Variants in LRRFIP2 observed in about 807,000 individuals in gnomAD.
LRRFIP2 encodes leucine-rich repeat flightless-interacting protein 2.
A neutral mutation model predicts 125.9 loss-of-function variants in LRRFIP2; 109 were observed. The ratio of observed to expected loss-of-function variants is 0.87; its 90% CI spans 0.74 to 1.01. The LOEUF (loss-of-function observed/expected upper bound fraction) is 1.01. Among genes scored for constraint, LRRFIP2 ranks in the 50% least tolerant of loss-of-function variants. The pLI is 0.00. For missense variants in LRRFIP2, 850 were observed against 862.3 expected (o/e 0.99, Z 0.18); for synonymous variants, 291 against 293.1 (o/e 0.99, Z 0.07).
At chr3:37,174,783 A>AT (rs1209542319), upstream of LRRFIP2, 1 of 152,248 alleles carries the variant, frequency 6.6e-6, no homozygotes, top group Non-Finnish European at 1.5e-5. Flanking sequence ...TTCCTATAAA[A>AT]TGAGTAAAGA....
At chr3:37,107,132 G>A (rs376947492) in intron 13 of LRRFIP2, among the ~76,000 whole-genome samples, 7 of 152,048 alleles carry the variant, frequency 4.6e-5, no homozygotes, top group South Asian at 4.2e-4. Flanking sequence ...TCAAACTCCC[G>A]ATCTCAGGTA....
At chr3:37,167,271 G>C (rs1317701973) in intron 1 of LRRFIP2, among the ~76,000 whole-genome samples, 5 of 151,840 alleles carry the variant, frequency 3.3e-5, no homozygotes, top group Admixed American at 6.6e-5. Flanking sequence ...CCCATCACCA[G>C]GGAAATACAA....
intron 3 of LRRFIP2, 98 bp from the exon 4 acceptor site, chr3:37,127,778 G>C (rs1242263348): frequency 1.1e-6 from 1 of 902,142 alleles, no homozygotes; most frequent in East Asian, 2.6e-5. Flanking sequence ...AAAAAACAAT[G>C]ATAGCTGACT....
At chr3:37,089,137 ACT>A (rs754762035) in intron 18 of LRRFIP2, among the ~76,000 whole-genome samples, 10 of 152,074 alleles carry the variant, frequency 6.6e-5, no homozygotes, top group Admixed American at 2.6e-4. Context: ...TATTGCTATA[ACT>A]CTGTACTTAA....
At chr3:37,130,169 T>C (rs892568990) in intron 2 of LRRFIP2, among the ~76,000 whole-genome samples, 3 of 152,214 alleles carry the variant, frequency 2.0e-5, no homozygotes, top group Non-Finnish European at 4.4e-5. Context: ...ATCTACTTTC[T>C]GTGTCCATGC....
chr3:37,061,642 C>T (rs1190546259), intron 24 of LRRFIP2, among the ~76,000 whole-genome samples: 1 of 152,054 alleles, frequency 6.6e-6, no homozygotes, highest in East Asian at 1.9e-4. Context: ...CTGCCTCAGC[C>T]TCCAAAAGTG....
intron 19 of LRRFIP2, among the ~76,000 whole-genome samples, chr3:37,080,478 C>T (rs2092543908): frequency 6.6e-6 from 1 of 151,508 alleles, no homozygotes; most frequent in South Asian, 2.1e-4. Flanking sequence ...ATCAGAACAT[C>T]CCATTTTGCA....
At chr3:37,121,907 C>T (rs932765817) in intron 4 of LRRFIP2, among the ~76,000 whole-genome samples, 1 of 147,234 alleles carries the variant, frequency 6.8e-6, no homozygotes, top group Non-Finnish European at 1.5e-5. Flanking sequence ...TATAGCAGTA[C>T]TAGTTTTCTT....
chr3:37,081,563 A>AT (rs984871520), intron 19 of LRRFIP2, among the ~76,000 whole-genome samples: 1 of 127,354 alleles, frequency 7.9e-6, no homozygotes, highest in Non-Finnish European at 1.9e-5. Context: ...TTTCCAGGGT[A>AT]TTAAAAAAAA....
chr3:37,151,824 C>T (rs890967798), intron 1 of LRRFIP2, among the ~76,000 whole-genome samples: 4 of 152,140 alleles, frequency 2.6e-5, no homozygotes, highest in African/African-American at 9.7e-5. Context: ...TCTTGAACTC[C>T]TGACCTCAGG....
At chr3:37,063,006 A>G (rs138367049) in intron 24 of LRRFIP2, among the ~76,000 whole-genome samples, 1 of 152,354 alleles carries the variant, frequency 6.6e-6, no homozygotes, top group East Asian at 1.9e-4. Context: ...AGTCAGATGC[A>G]CCAAGATTCA....
At chr3:37,121,378 A>C in intron 6 of LRRFIP2, 114 bp downstream of exon 6, 1 of 936,728 alleles carries the variant, frequency 1.1e-6, no homozygotes, top group Non-Finnish European at 1.7e-6. Context: ...AATATTTTAT[A>C]CTTCTTTTAA....
At chr3:37,108,608 C>T in intron 12 of LRRFIP2, 29 bp downstream of exon 12, 2 of 1,586,982 alleles carry the variant, frequency 1.3e-6, no homozygotes, top group Non-Finnish European at 1.7e-6. Flanking sequence ...TTTCCCTCCT[C>T]TTCACCACCT....
At chr3:37,057,760 A>C (rs931317304) in intron 25 of LRRFIP2, among the ~76,000 whole-genome samples, 2 of 152,202 alleles carry the variant, frequency 1.3e-5, no homozygotes, top group Admixed American at 1.3e-4. Flanking sequence ...CAGAAAAGTC[A>C]CTATTCTTAT....
intron 6 of LRRFIP2, 65 bp from the exon 7 acceptor site, chr3:37,115,160 A>G: frequency 8.8e-7 from 1 of 1,132,762 alleles, no homozygotes; most frequent in East Asian, 2.4e-5. Flanking sequence ...GAAGAGAAGA[A>G]GTAATATTTG....
intron 25 of LRRFIP2, among the ~76,000 whole-genome samples, chr3:37,055,549 A>C (rs2086591664): frequency 6.6e-6 from 1 of 152,112 alleles, no homozygotes; most frequent in Admixed American, 6.6e-5. Context: ...CTGGCAACAG[A>C]GCGATACTCC....
At chr3:37,167,514 C>T (rs956741441) in intron 1 of LRRFIP2, among the ~76,000 whole-genome samples, 1 of 151,526 alleles carries the variant, frequency 6.6e-6, no homozygotes, top group Admixed American at 6.6e-5. Flanking sequence ...ATTAGCCGGG[C>T]GTGGTGGCGG....
chr3:37,134,093 A>C (rs2095496264), intron 2 of LRRFIP2, among the ~76,000 whole-genome samples: 1 of 151,902 alleles, frequency 6.6e-6, no homozygotes, highest in South Asian at 2.1e-4. Flanking sequence ...GAGGCAGAAG[A>C]ATCGCTTGAA....
At chr3:37,090,947 T>C (rs2093397915) in intron 18 of LRRFIP2, among the ~76,000 whole-genome samples, 1 of 152,242 alleles carries the variant, frequency 6.6e-6, no homozygotes, top group Admixed American at 6.5e-5. Flanking sequence ...TGCAACACTT[T>C]TTCATTTAGC....
Sources: gnomAD v4.1 joint callset for allele counts (sites outside exome capture counted in the v4.1 genomes callset) on GRCh38, gnomAD v4.1.1 for gene constraint, MANE v1.5 for transcripts, NCBI Gene and HGNC (gene_info 2026-07-23, HGNC 2026-07-21) for gene names.